The following CA10 variants were observed in gnomAD, a reference collection of about 807,000 sequenced individuals.
CA10 encodes the protein carbonic anhydrase-related protein 10.
A neutral mutation model predicts 44.2 loss-of-function variants in CA10; 14 were observed. The observed-to-expected ratio is 0.32, with a 90% CI of 0.21 to 0.50. The LOEUF is 0.50. Among genes scored for constraint, CA10 ranks in the 20% least tolerant of loss-of-function variants. The pLI is 0.99. For synonymous variants in CA10, 159 were observed against 141.6 expected (o/e 1.12, Z -0.87); for missense variants, 350 against 409.7 (o/e 0.85, Z 1.26).
chr17:51,792,599 T>C (rs1906561849), intron 3 of CA10, among the ~76,000 whole-genome samples: 1 of 152,182 alleles, frequency 6.6e-6, no homozygotes, highest in South Asian at 2.1e-4. Flanking sequence ...TGTTAATTGT[T>C]TTAAAAAATA....
chr17:52,138,532 C>T (rs1279013699), intron 1 of CA10, among the ~76,000 whole-genome samples: 1 of 152,182 alleles, frequency 6.6e-6, no homozygotes. Context: ...AGGATGCAGG[C>T]ATGTGACTGA....
chr17:51,717,718 C>CAT lies in CA10; in HGVS notation c.465+29914_465+29915insAT, dbSNP rs1916182368. Among the ~76,000 whole-genome samples the CAT allele has an allele frequency of 2.9e-4, 6 of 20,584 alleles. 1 individual carries two copies. Among genetic ancestry groups the CAT allele is most frequent in the East Asian group, 2.2e-3 (1 of 462 alleles). The allele number at this position is 20,584 out of a possible 152,430, so 13.5% of individuals were successfully genotyped here. A position where few individuals can be genotyped will look rare whatever the true frequency, so the allele number is the denominator to read the frequency against. On this transcript the variant is annotated intron_variant, in intron 4 of 8. Transcript: ENST00000451037. ...ATATGCATGTATATATACATATATA[C>CAT]GTATATATACATATATACGTATATA...
intron 2 of CA10, among the ~76,000 whole-genome samples, chr17:51,982,561 A>G (rs544834987): frequency 2.0e-4 from 30 of 151,940 alleles, no homozygotes; most frequent in Non-Finnish European, 3.7e-4. Context: ...GGTTGAACTA[A>G]TTTGTAACTG....
At chr17:51,948,550 A>G (rs1442248858) in intron 2 of CA10, among the ~76,000 whole-genome samples, 1 of 152,180 alleles carries the variant, frequency 6.6e-6, no homozygotes, top group Non-Finnish European at 1.5e-5. Flanking sequence ...AAGCCCTGCT[A>G]TGAGTCTCCA....
At chr17:51,747,968 C>T in intron 3 of CA10, 150 bp from the exon 4 acceptor site, 1 of 597,748 alleles carries the variant, frequency 1.7e-6, no homozygotes, top group Non-Finnish European at 3.0e-6. Flanking sequence ...GCAGCTGCCC[C>T]AGAGGGTATA....
chr17:51,691,679 T>C (rs1915199772), intron 4 of CA10, among the ~76,000 whole-genome samples: 1 of 152,236 alleles, frequency 6.6e-6, no homozygotes, highest in Admixed American at 6.5e-5. Flanking sequence ...TGTTTTCTTC[T>C]AGTAGTTTCA....
chr17:51,849,110 T>A (rs887447070), intron 3 of CA10, among the ~76,000 whole-genome samples: 1 of 146,632 alleles, frequency 6.8e-6, no homozygotes, highest in Non-Finnish European at 1.5e-5. Flanking sequence ...TATATATATG[T>A]GTGTGTATAT....
intron 3 of CA10, among the ~76,000 whole-genome samples, chr17:51,907,031 C>G (rs1292671976): frequency 6.6e-6 from 1 of 152,176 alleles, no homozygotes; most frequent in Non-Finnish European, 1.5e-5. Context: ...TGTACCAAGT[C>G]TTTCCAATAT....
chr17:51,966,315 A>G (rs1219775367), intron 2 of CA10, among the ~76,000 whole-genome samples: 2 of 151,922 alleles, frequency 1.3e-5, no homozygotes, highest in Non-Finnish European at 2.9e-5. Context: ...TTTTATTCCT[A>G]TTATACTACC....
intron 2 of CA10, among the ~76,000 whole-genome samples, chr17:52,040,415 T>A (rs1986737456): frequency 2.6e-5 from 4 of 152,110 alleles, no homozygotes; most frequent in Admixed American, 2.0e-4. Context: ...CTTCTCTGCA[T>A]TCTAGAGATG....
At chr17:52,119,214 G>C (rs1454934780) in intron 1 of CA10, among the ~76,000 whole-genome samples, 1 of 123,750 alleles carries the variant, frequency 8.1e-6, no homozygotes, top group Admixed American at 8.5e-5. Flanking sequence ...TTGGAAACTA[G>C]TCATGAGTAT....
intron 2 of CA10, among the ~76,000 whole-genome samples, chr17:51,968,267 G>T (rs543521543): frequency 6.6e-4 from 100 of 151,972 alleles, no homozygotes; most frequent in African/African-American, 2.4e-3. Flanking sequence ...ATTTATAGCA[G>T]CATTCTTCAT....
At chr17:51,775,619 A>G (rs567799557) in intron 3 of CA10, among the ~76,000 whole-genome samples, 1 of 152,290 alleles carries the variant, frequency 6.6e-6, no homozygotes, top group African/African-American at 2.4e-5. Context: ...TCAAGTATGT[A>G]TTTTAGTGGT....
intron 1 of CA10, among the ~76,000 whole-genome samples, chr17:52,133,344 G>C (rs1989282920): frequency 2.0e-5 from 3 of 152,182 alleles, no homozygotes; most frequent in Non-Finnish European, 4.4e-5. Context: ...GAGACACACA[G>C]AAGGCCTTTA....
intron 2 of CA10, among the ~76,000 whole-genome samples, chr17:51,961,204 C>T (rs1415529052): frequency 6.6e-6 from 1 of 151,540 alleles, no homozygotes; most frequent in Non-Finnish European, 1.5e-5. Context: ...CACACACACA[C>T]ACACACACAC....
chr17:51,764,989 G>A (rs549412533), intron 3 of CA10, among the ~76,000 whole-genome samples: 1 of 152,324 alleles, frequency 6.6e-6, no homozygotes, highest in South Asian at 2.1e-4. Flanking sequence ...AAAAGGTTGT[G>A]TGAACAGTTT....
chr17:52,080,267 A>G (rs1430388477), intron 1 of CA10, among the ~76,000 whole-genome samples: 1 of 152,076 alleles, frequency 6.6e-6, no homozygotes, highest in Non-Finnish European at 1.5e-5. Flanking sequence ...CCTGGTTAAC[A>G]CGGCAAAACC....
intron 2 of CA10, among the ~76,000 whole-genome samples, chr17:51,956,739 G>A (rs1446643443): frequency 6.6e-6 from 1 of 152,070 alleles, no homozygotes; most frequent in Non-Finnish European, 1.5e-5. Flanking sequence ...GCAGTGGTGA[G>A]AGGCTTCCTG....
At chr17:51,631,860 T>C (rs1912595750) in intron 8 of CA10, among the ~76,000 whole-genome samples, 1 of 152,110 alleles carries the variant, frequency 6.6e-6, no homozygotes, top group Admixed American at 6.5e-5. Flanking sequence ...AATAAAAAAT[T>C]AGTTGCATCA....
Sources: gnomAD v4.1 joint callset for allele counts (sites outside exome capture counted in the v4.1 genomes callset) on GRCh38, gnomAD v4.1.1 for gene constraint, MANE v1.5 for transcripts, NCBI Gene and HGNC (gene_info 2026-07-23, HGNC 2026-07-21) for gene names.